The following DTD1 variants were observed in gnomAD, a reference collection of about 807,000 sequenced individuals.
The protein encoded by DTD1 is D-tyrosyl-tRNA deacylase 1 homolog.
A neutral mutation model predicts 25.6 loss-of-function variants in DTD1; 13 were observed. The ratio of observed to expected loss-of-function variants is 0.51; its 90% CI spans 0.33 to 0.81. The LOEUF is 0.81. DTD1 is among the 30% of genes least tolerant of loss of function. The pLI is 0.02. For synonymous variants in DTD1, 110 were observed against 103.6 expected, an observed-to-expected ratio of 1.06 and a Z score of -0.37; for missense variants, 193 against 266.4, an observed-to-expected ratio of 0.72 and a Z score of 1.92.
intron 4 of DTD1, among the ~76,000 whole-genome samples, chr20:18,736,600 C>G (rs6045575): frequency 0.14 from 21,926 of 152,212 alleles, 1,696 homozygotes; most frequent in Admixed American, 0.2. Flanking sequence ...CACCTTGCAG[C>G]CACCCCCTCT....
intron 4 of DTD1, among the ~76,000 whole-genome samples, chr20:18,650,328 G>A (rs138486276): frequency 1.2e-3 from 179 of 152,300 alleles, no homozygotes; most frequent in Middle Eastern, 3.4e-3. Flanking sequence ...AGTTGAGTGC[G>A]AGGCCCTGTG....
chr20:18,679,000 A>C (rs183149218), intron 4 of DTD1: 3 of 152,206 alleles, frequency 2.0e-5, no homozygotes, highest in Non-Finnish European at 2.9e-5. Flanking sequence ...GTGGAAGAAA[A>C]AGCTAGTGAG....
chr20:18,635,865 A>T (rs1366613074), intron 4 of DTD1, among the ~76,000 whole-genome samples: 2 of 152,216 alleles, frequency 1.3e-5, no homozygotes. Context: ...TCTTAAATCC[A>T]TAGCACAGGT....
intron 3 of DTD1, among the ~76,000 whole-genome samples, chr20:18,620,596 CTTTTTTTT>C (rs2060729834): frequency 7.9e-6 from 1 of 127,276 alleles, no homozygotes; most frequent in Non-Finnish European, 1.7e-5. Context: ...TTCTTTTTTT[CTTTTTTTT>C]CTTTTTTTGA....
chr20:18,658,842 A>G (rs774489064), intron 4 of DTD1, among the ~76,000 whole-genome samples: 13 of 152,234 alleles, frequency 8.5e-5, no homozygotes, highest in Non-Finnish European at 1.9e-4. Context: ...GACACTGATT[A>G]GCAGTTGGTG....
At chr20:18,636,769 TC>T (rs2060809179) in intron 4 of DTD1, among the ~76,000 whole-genome samples, 1 of 152,018 alleles carries the variant, frequency 6.6e-6, no homozygotes, top group African/African-American at 2.4e-5. Flanking sequence ...TCTCTGGAGG[TC>T]CCAAGAAGTG....
At position 18,593,784 on chromosome 20, in the gene DTD1, A is replaced by G. The variant is rs774457282; in HGVS notation, c.97A>G (p.Ile33Val). 6.2e-7 allele frequency: 1 copy of G among 1,613,978 alleles called. No individual in the cohort carries two copies. Among genetic ancestry groups the G allele is most frequent in the South Asian group, 1.1e-5 (1 of 91,066 alleles). ...AAGGGGCATATGTGTGTTGCTGGGT[A>G]TTTCCCTGGAGGATACGCAGAAGGA... The part of the protein sequence containing the change: ...IGRGICVLLG[I>V]SLEDTQKELE... Residue 33 changes from isoleucine to valine, a missense_variant, in exon 2 of 6, where the codon ATT becomes GTT. By Grantham distance (29) the Ile-to-Val change is conservative. Transcript: ENST00000377452.
At chr20:18,673,407 G>A (rs1243826885) in intron 4 of DTD1, among the ~76,000 whole-genome samples, 2 of 152,182 alleles carry the variant, frequency 1.3e-5, no homozygotes, top group Non-Finnish European at 2.9e-5. Context: ...GAGGGAATGG[G>A]AGGGACTTAA....
chr20:18,720,648 A>G (rs922579353), intron 4 of DTD1, among the ~76,000 whole-genome samples: 6 of 152,098 alleles, frequency 3.9e-5, no homozygotes, highest in Non-Finnish European at 5.9e-5. Flanking sequence ...TGAGTCCGGG[A>G]GTTTGAGACA....
chr20:18,686,791 G>A (rs1237699855), intron 4 of DTD1, among the ~76,000 whole-genome samples: 1 of 151,960 alleles, frequency 6.6e-6, no homozygotes, highest in Non-Finnish European at 1.5e-5. Context: ...GTTGTCCACC[G>A]TGTTCTTCCT....
intron 4 of DTD1, among the ~76,000 whole-genome samples, chr20:18,679,507 T>G (rs2060988584): frequency 1.3e-5 from 2 of 152,202 alleles, no homozygotes; most frequent in Admixed American, 1.3e-4. Context: ...AATTACCCTT[T>G]CTGGTATGAT....
chr20:18,647,190 G>A (rs2060853510), intron 4 of DTD1, among the ~76,000 whole-genome samples: 1 of 152,180 alleles, frequency 6.6e-6, no homozygotes, highest in African/African-American at 2.4e-5. Flanking sequence ...GCTCATTTCT[G>A]TACTTGACCC....
chr20:18,620,473 C>T (rs1366178200), intron 3 of DTD1, among the ~76,000 whole-genome samples: 2 of 152,252 alleles, frequency 1.3e-5, no homozygotes, highest in Admixed American at 6.5e-5. Flanking sequence ...AAAAACCTCT[C>T]AACTGAACCA....
intron 4 of DTD1, chr20:18,632,036 C>A: frequency 1.2e-6 from 1 of 849,162 alleles, no homozygotes; most frequent in Non-Finnish European, 1.4e-6. Context: ...ATTCTCAGCA[C>A]ACACAGAATA....
intron 4 of DTD1, among the ~76,000 whole-genome samples, chr20:18,702,953 G>C (rs2061111987): frequency 6.6e-6 from 1 of 152,156 alleles, no homozygotes; most frequent in Non-Finnish European, 1.5e-5. Context: ...TCCAGCAGGA[G>C]TCCATAGCTT....
intron 4 of DTD1, chr20:18,632,736 A>AT (rs1255175906): frequency 1.1e-6 from 1 of 871,926 alleles, no homozygotes. Context: ...TAAAATATAA[A>AT]TAAGTTCTTT....
intron 5 of DTD1, among the ~76,000 whole-genome samples, chr20:18,760,977 T>A (rs1472368264): frequency 6.6e-6 from 1 of 152,128 alleles, no homozygotes; most frequent in Non-Finnish European, 1.5e-5. Flanking sequence ...TGCAATTTGA[T>A]CTCAGACTGC....
chr20:18,753,394 G>A (rs1202118584), intron 5 of DTD1, among the ~76,000 whole-genome samples: 1 of 151,974 alleles, frequency 6.6e-6, no homozygotes, highest in Non-Finnish European at 1.5e-5. Context: ...GATCACCTGA[G>A]GTCAGGAGTT....
intron 4 of DTD1, among the ~76,000 whole-genome samples, chr20:18,736,630 T>A (rs1252143984): frequency 1.3e-5 from 2 of 152,248 alleles, no homozygotes; most frequent in Non-Finnish European, 2.9e-5. Context: ...GGGCATATCA[T>A]GTACAGAAAA....
Sources: gnomAD v4.1 joint callset for allele counts (sites outside exome capture counted in the v4.1 genomes callset) on GRCh38, gnomAD v4.1.1 for gene constraint, MANE v1.5 for transcripts, NCBI Gene and HGNC (gene_info 2026-07-23, HGNC 2026-07-21) for gene names.